Variants in MECR observed in about 807,000 individuals in gnomAD.
The protein encoded by MECR is enoyl-[acyl-carrier-protein] reductase, mitochondrial.
Under a neutral mutation model 49.1 loss-of-function variants are expected in MECR, and 37 were observed. The observed-to-expected ratio is 0.75, with a 90% CI of 0.58 to 0.99. MECR has a LOEUF of 0.99. MECR is among the 50% of genes least tolerant of loss of function. The probability of loss-of-function intolerance (pLI) is 0.00; values close to 1 mark genes in which losing one functional copy is unlikely to be tolerated. For missense variants in MECR, 470 were observed against 479.6 expected (o/e 0.98, Z 0.19); for synonymous variants, 198 against 191.1 (o/e 1.04, Z -0.30).
At chr1:29,184,890 C>G in the MECR span, among the ~76,000 whole-genome samples, 3 of 152,252 alleles carry the variant, frequency 2.0e-5, no homozygotes, top group South Asian at 6.2e-4. Context: ...TTTGGGAGGC[C>G]GAGGTGGGTG....
the MECR span, among the ~76,000 whole-genome samples, chr1:29,176,648 T>A: frequency 6.6e-6 from 1 of 151,862 alleles, no homozygotes; most frequent in Non-Finnish European, 1.5e-5. Flanking sequence ...GTAATTCTTC[T>A]CAGTATCTAA....
Position 29,201,748 on chromosome 1 carries a change from C to T in MECR, c.756+195G>A, listed in dbSNP as rs559993752. On this transcript the variant is annotated intron_variant, in intron 6 of 9. Coordinates refer to ENST00000263702, the MANE Select transcript of MECR (RefSeq NM_016011.5). The surrounding 1 kb of genome is among the most constrained non-coding windows in gnomAD (Gnocchi z 4.3). ...TTCCTAAACTCTGTTTCTCATGCCT[C>T]CCTCCCAGCATCTGGGCACTTAATG... Among the ~76,000 whole-genome samples the T allele has an allele frequency of 5.8e-4, 89 of 152,326 alleles. 2 individuals carry two copies. The South Asian group carries it at 8.7e-3, about 15-fold the overall frequency.
At chr1:29,178,172 T>C in the MECR span, among the ~76,000 whole-genome samples, 3 of 152,074 alleles carry the variant, frequency 2.0e-5, no homozygotes, top group Admixed American at 2.0e-4. Context: ...GGTGATGGGA[T>C]TACAGGTGTG....
At chr1:29,181,372 C>A in the MECR span, among the ~76,000 whole-genome samples, 1 of 152,168 alleles carries the variant, frequency 6.6e-6, no homozygotes, top group Admixed American at 6.5e-5. Flanking sequence ...CTGTGCCCCC[C>A]TGCCCGGAGC....
At chr1:29,227,183 G>C (rs1432039523) in intron 1 of MECR, among the ~76,000 whole-genome samples, 2 of 151,910 alleles carry the variant, frequency 1.3e-5, no homozygotes, top group Non-Finnish European at 2.9e-5. Context: ...GGCTGGTCTC[G>C]AGCACCTGAC....
the MECR span, chr1:29,172,681 G>A: frequency 2.0e-5 from 3 of 152,162 alleles, no homozygotes. Context: ...AACTGGTGTA[G>A]CTTTTCTGGA....
chr1:29,222,783 C>T (rs781403391), intron 1 of MECR, among the ~76,000 whole-genome samples: 5 of 151,982 alleles, frequency 3.3e-5, no homozygotes, highest in Admixed American at 6.6e-5. Context: ...TGGATGGTGT[C>T]GGGGGCTGGC....
At chr1:29,203,344 G>A in intron 4 of MECR, 111 bp from the exon 5 acceptor site, 1 of 727,452 alleles carries the variant, frequency 1.4e-6, no homozygotes, top group Non-Finnish European at 2.2e-6. Context: ...GCTCAACAGG[G>A]ACCCAGGACC....
At chr1:29,181,881 G>A in the MECR span, 6 of 643,726 alleles carry the variant, frequency 9.3e-6, no homozygotes, top group African/African-American at 7.7e-5. Context: ...GCCGAACCCC[G>A]GCGACGTACG....
At position 29,230,884 on chromosome 1, in the gene MECR, C is replaced by T; in HGVS notation, c.23G>A (p.Trp8Ter). 1 of 1,609,258 alleles carries T rather than the reference C, an allele frequency of 6.2e-7. No individual in the cohort carries two copies. Among genetic ancestry groups the T allele is most frequent in the Non-Finnish European group, 8.5e-7 (1 of 1,179,656 alleles). Reference protein sequence around the residue: MWVCSTLWRVRTPARQWR... With the variant: MWVCSTL ...CTGCCGGGCGGGGGTTCGCACCCGC[C>T]ACAGGGTACTGCAGACCCACATGCT... Residue 8 changes from tryptophan to a stop codon, truncating the protein, a stop_gained, in exon 1 of 10, where the codon TGG (tryptophan) becomes TAG (stop). Transcript: ENST00000263702. LOFTEE classifies it high-confidence loss of function.
At chr1:29,174,525 TAGG>T in the MECR span, among the ~76,000 whole-genome samples, 2 of 151,966 alleles carry the variant, frequency 1.3e-5, no homozygotes, top group East Asian at 1.9e-4. Context: ...AACCAGGTTG[TAGG>T]AGAATACTTA....
intron 3 of MECR, among the ~76,000 whole-genome samples, chr1:29,209,937 C>T (rs1017853297): frequency 3.3e-5 from 5 of 152,042 alleles, no homozygotes; most frequent in Admixed American, 1.3e-4. Flanking sequence ...TGGGTAATCA[C>T]TAACTGTGCT....
chr1:29,210,431 G>GA (rs1364229274), intron 3 of MECR, among the ~76,000 whole-genome samples: 1 of 152,198 alleles, frequency 6.6e-6, no homozygotes, highest in African/African-American at 2.4e-5. Context: ...CATCCTGTGG[G>GA]CTTCCCCCGG....
chr1:29,228,779 C>A (rs1351620419), intron 1 of MECR: 1 of 152,184 alleles, frequency 6.6e-6, no homozygotes, highest in East Asian at 1.9e-4. Flanking sequence ...CTGCATTCAG[C>A]TGAACTTTCC....
the MECR span, among the ~76,000 whole-genome samples, chr1:29,184,004 G>A: frequency 0.01 from 1,538 of 150,424 alleles, 16 homozygotes; most frequent in Middle Eastern, 0.056. Flanking sequence ...TCAGCCTCTA[G>A]AGTAGCTGGG....
chr1:29,183,125 T>TA, the MECR span, among the ~76,000 whole-genome samples: 28 of 152,368 alleles, frequency 1.8e-4, no homozygotes, highest in Non-Finnish European at 3.2e-4. Context: ...ACCAGCCACT[T>TA]AGTTTCTCTT....
intron 7 of MECR, chr1:29,200,266 T>G (rs1310478826): frequency 8.3e-6 from 3 of 359,896 alleles, no homozygotes; most frequent in African/African-American, 2.1e-5. Context: ...GGCAGGCAGC[T>G]TAGCAGTCTA....
the MECR span, among the ~76,000 whole-genome samples, chr1:29,167,944 A>C: frequency 1.3e-5 from 2 of 152,006 alleles, no homozygotes; most frequent in Admixed American, 1.3e-4. Context: ...TCATGAGTGA[A>C]GGAGCTAGAT....
intron 1 of MECR, chr1:29,230,246 C>G (rs1435049093): frequency 6.0e-6 from 1 of 166,906 alleles, no homozygotes; most frequent in Non-Finnish European, 1.3e-5. Context: ...CATGAAGATC[C>G]AAATGGATGT....
Sources: allele counts gnomAD v4.1 joint callset (sites outside exome capture counted in the v4.1 genomes callset), GRCh38; gene constraint gnomAD v4.1.1; non-coding constraint Gnocchi (gnomAD v3.1); transcripts MANE v1.5; gene names NCBI Gene and HGNC (gene_info 2026-07-23, HGNC 2026-07-21).